Variants in WDR37 observed in about 807,000 individuals in gnomAD.
WDR37 encodes the protein WD repeat-containing protein 37.
A neutral mutation model predicts 62.9 loss-of-function variants in WDR37; 19 were observed. The observed-to-expected ratio is 0.30, with a 90% CI of 0.21 to 0.44. WDR37 has a LOEUF of 0.44. WDR37 is among the 20% of genes least tolerant of loss of function. The pLI, the probability that WDR37 is intolerant of heterozygous loss-of-function variation, is 1.00. For synonymous variants in WDR37, 250 were observed against 260.9 expected (o/e 0.96, Z 0.40); for missense variants, 474 against 657.6 (o/e 0.72, Z 3.05).
chr10:1,108,744 C>CCCT, intron 11 of WDR37, among the ~76,000 whole-genome samples: 1 of 137,796 alleles, frequency 7.3e-6, no homozygotes, highest in South Asian at 2.5e-4. Flanking sequence ...GTGATGCCCC[C>CCCT]CCCCCCCGTG....
At chr10:1,069,391 T>TATATATATATATATATATA (rs200599689) in intron 1 of WDR37, among the ~76,000 whole-genome samples, 140 of 45,870 alleles carry the variant, frequency 3.1e-3, no homozygotes, top group Non-Finnish European at 3.4e-3. Context: ...ATATATATAT[T>TATATATATATATATATATA]TTTTTTTTTT....
At chr10:1,069,461 C>A (rs556798306) in intron 1 of WDR37, among the ~76,000 whole-genome samples, 1 of 143,754 alleles carries the variant, frequency 7.0e-6, no homozygotes, top group African/African-American at 2.6e-5. Flanking sequence ...TGGACACTAG[C>A]TAGTAATAAA....
Position 1,072,047 on chromosome 10 carries a change from C to T in WDR37, c.-40-69C>T, listed in dbSNP as rs941398075. The T allele has an allele frequency of 2.4e-6, 3 of 1,272,550 alleles. No homozygotes were observed. The African/African-American group carries it at 4.5e-5, about 19-fold the overall frequency. 78.8% of individuals were successfully genotyped at this position (1,272,550 alleles called of 1,614,324 possible). A position where few individuals can be genotyped will look rare whatever the true frequency, so the allele number is the denominator to read the frequency against. The stretch of plus-strand genomic sequence containing the variant: ...GCTTGTAATTAGAAGTCATCATTAT[C>T]TTCTTCACTGTTTTTCTTTTGTTTC... On this transcript the variant is annotated intron_variant, in intron 1 of 13. Coordinates refer to ENST00000263150, the MANE Select transcript of WDR37 (RefSeq NM_014023.4).
In WDR37 at chr10:1,084,439, G is replaced by A. The variant is rs1255169707; in HGVS notation, c.433G>A (p.Ala145Thr). The A allele has an allele frequency of 6.2e-7, 1 of 1,614,196 alleles. No homozygotes were observed. Among genetic ancestry groups the A allele is most frequent in the Admixed American group, 1.7e-5 (1 of 60,032 alleles). ...SSFKTTTSRAACQLVKEYIGH... is the reference protein window; with the variant it reads ...SSFKTTTSRATCQLVKEYIGH... ...CTTTAAGACCACGACATCGAGAGCT[G>A]CCTGCCAGCTCGTGAAGGAGTACAT... is the stretch of plus-strand genomic sequence containing the variant. Residue 145 changes from alanine to threonine, a missense_variant, in exon 6 of 14, where the codon GCC becomes ACC. By Grantham distance (58) the Ala-to-Thr change is moderately conservative. Coordinates refer to ENST00000263150, the MANE Select transcript of WDR37 (RefSeq NM_014023.4).
intron 8 of WDR37, among the ~76,000 whole-genome samples, chr10:1,095,050 T>C (rs1834525220): frequency 7.0e-6 from 1 of 142,268 alleles, no homozygotes; most frequent in Non-Finnish European, 1.5e-5. Flanking sequence ...GAGAGGAGAG[T>C]TAGACTGGGA....
At chr10:1,120,189 C>G (rs1350550381) in intron 11 of WDR37, among the ~76,000 whole-genome samples, 1 of 152,122 alleles carries the variant, frequency 6.6e-6, no homozygotes, top group South Asian at 2.1e-4. Context: ...TGAGAAAGGC[C>G]GGGATGGAGC....
chr10:1,102,172 GTTCT>G, intron 9 of WDR37, among the ~76,000 whole-genome samples: 1 of 146,726 alleles, frequency 6.8e-6, no homozygotes, highest in African/African-American at 2.6e-5. Flanking sequence ...CCTGTGACGT[GTTCT>G]CGTGCGGCTG....
At position 1,069,354 on chromosome 10, in the gene WDR37, TA is replaced by T. The variant is rs1347379301; in HGVS notation, c.-40-2755del. Among the ~76,000 whole-genome samples the T allele has an allele frequency of 3.1e-5, 4 of 130,748 alleles. No homozygotes were observed. In the East Asian group the frequency reaches 6.8e-4, roughly 22 times the overall value. 85.8% of individuals were successfully genotyped at this position (130,748 alleles called of 152,430 possible). The stretch of plus-strand genomic sequence containing the variant: ...TTCATGGCAACTTTATTAGTAATAG[TA>T]AAAAAATTGGAAAGAATATATATAT... On this transcript the variant is annotated intron_variant, in intron 1 of 13. Coordinates refer to ENST00000263150, the MANE Select transcript of WDR37 (RefSeq NM_014023.4).
At chr10:1,093,395 G>T in intron 7 of WDR37, 57 bp from the exon 8 acceptor site, 1 of 1,389,984 alleles carries the variant, frequency 7.2e-7, no homozygotes. Context: ...GCTAATAAAT[G>T]TTGATAACAT....
intron 7 of WDR37, 56 bp from the exon 8 acceptor site, chr10:1,093,396 T>C: frequency 7.2e-7 from 1 of 1,395,518 alleles, no homozygotes; most frequent in Non-Finnish European, 1.0e-6. Flanking sequence ...CTAATAAATG[T>C]TGATAACATG....
intron 11 of WDR37, among the ~76,000 whole-genome samples, chr10:1,109,770 C>T (rs1589115026): frequency 6.6e-6 from 1 of 152,106 alleles, no homozygotes; most frequent in Non-Finnish European, 1.5e-5. Flanking sequence ...CTAGTGGATA[C>T]ATGAAACAAT....
intron 1 of WDR37, among the ~76,000 whole-genome samples, chr10:1,066,812 C>T: frequency 6.6e-6 from 1 of 152,224 alleles, no homozygotes. Context: ...TTCCACATGG[C>T]TGGGGAGGCC....
At chr10:1,102,280 G>A (rs1302007279) in intron 9 of WDR37, among the ~76,000 whole-genome samples, 3 of 151,384 alleles carry the variant, frequency 2.0e-5, no homozygotes, top group Non-Finnish European at 2.9e-5. Context: ...TTCCCGTGCC[G>A]CTGTGCGTCC....
rs557050614 is a variant in WDR37 at position 1,082,571 on chromosome 10, T to A, written c.397-1832T>A. On this transcript the variant is annotated intron_variant, in intron 5 of 13. Coordinates refer to ENST00000263150, the MANE Select transcript of WDR37 (RefSeq NM_014023.4). ...GGGCGTGAGCGTCAGTTTGCGGCTTTGTTCTGCTGCTTTTCTGTTATGAAC... is the reference window on the plus strand; with the variant it reads ...GGGCGTGAGCGTCAGTTTGCGGCTTAGTTCTGCTGCTTTTCTGTTATGAAC... Among the ~76,000 whole-genome samples the A allele has an allele frequency of 2.0e-5, 3 of 152,376 alleles. No homozygotes were observed. The South Asian group carries it at 6.2e-4, about 32-fold the overall frequency.
chr10:1,126,263 A>G (rs113900916), intron 13 of WDR37, among the ~76,000 whole-genome samples: 18,575 of 151,634 alleles, frequency 0.12, 1,421 homozygotes, highest in East Asian at 0.32. Context: ...AAAATCAGCC[A>G]GGCGTGGTGG....
chr10:1,124,058 T>G, intron 11 of WDR37, 160 bp from the exon 12 acceptor site: 1 of 828,290 alleles, frequency 1.2e-6, no homozygotes, highest in African/African-American at 1.7e-5. Flanking sequence ...CTTGCACTGG[T>G]GGAGAGGCTT....
intron 11 of WDR37, among the ~76,000 whole-genome samples, chr10:1,107,549 A>G (rs1184028312): frequency 2.6e-5 from 4 of 152,156 alleles, no homozygotes; most frequent in African/African-American, 9.6e-5. Context: ...CTCTTTACAC[A>G]TGTGTACACA....
rs941122538 is a variant in WDR37 at position 1,121,530 on chromosome 10, A to T, written c.1104-2688A>T. On this transcript the variant is annotated intron_variant, in intron 11 of 13. Transcript: ENST00000263150. This position sits in a 1 kb window ranked among gnomAD's most constrained non-coding sequence, Gnocchi z 4.5. ...ATTTTGCAGTCTCTCTCCTCTGCCC[A>T]TGCTGCTCTCGTAACCCGTGCTGCT... Among the ~76,000 whole-genome samples, 1 of 152,118 alleles carries T rather than the reference A, an allele frequency of 6.6e-6. No individual in the cohort carries two copies. Among genetic ancestry groups the T allele is most frequent in the African/African-American group, 2.4e-5 (1 of 41,424 alleles).
intron 1 of WDR37, among the ~76,000 whole-genome samples, chr10:1,071,773 G>A (rs1833736555): frequency 2.0e-5 from 3 of 152,212 alleles, no homozygotes; most frequent in African/African-American, 7.2e-5. Flanking sequence ...TCTAGAATGT[G>A]TAGTCTAGAA....
Sources: allele counts gnomAD v4.1 joint callset (sites outside exome capture counted in the v4.1 genomes callset), GRCh38; gene constraint gnomAD v4.1.1; non-coding constraint Gnocchi (gnomAD v3.1); transcripts MANE v1.5; gene names NCBI Gene and HGNC (gene_info 2026-07-23, HGNC 2026-07-21).